TOX4: variants seen among roughly 807,000 people sequenced by gnomAD.
The protein encoded by TOX4 is TOX high mobility group box family member 4, also known as epidermal Langerhans cell protein LCP1.
A neutral mutation model predicts 61.0 loss-of-function variants in TOX4; 12 were observed. That is an observed-to-expected ratio of 0.20 (90% CI 0.13 to 0.32). The LOEUF is 0.32. TOX4 is among the 10% of genes least tolerant of loss of function. The probability of loss-of-function intolerance (pLI) is 1.00; values close to 1 mark genes in which losing one functional copy is unlikely to be tolerated. For missense variants in TOX4, 499 were observed against 753.3 expected (o/e 0.66, Z 3.95); for synonymous variants, 268 against 274.8 (o/e 0.98, Z 0.24).
Position 21,487,601 on chromosome 14 carries a change from C to G in TOX4, c.226C>G (p.Gln76Glu). The change falls in exon 3 of 9, where the codon CAG becomes GAG. Residue 76 changes from glutamine to glutamate, a missense_variant. This residue lies in a region of TOX4 where 90 missense variants were observed against 109.5 expected (regional missense o/e 0.82). Coordinates refer to ENST00000448790, the MANE Select transcript of TOX4 (RefSeq NM_014828.4). ...TTCACAGGATGGCAGTTTTTCAGCC[C>G]AGTATGGGGTCCAGACATTGGACAT... ...SSSQDGSFSAQYGVQTLDMPV... is the reference protein window; with the variant it reads ...SSSQDGSFSAEYGVQTLDMPV... 6.2e-7 allele frequency: 1 copy of G among 1,614,098 alleles called. No individual in the cohort carries two copies. The highest frequency in any genetic ancestry group is 2.2e-5 in the East Asian group (1 of 44,874).
At chr14:21,495,449 C>T in intron 8 of TOX4, 57 bp downstream of exon 8, 1 of 1,556,258 alleles carries the variant, frequency 6.4e-7, no homozygotes, top group Non-Finnish European at 8.7e-7. Context: ...TACTGGGAAA[C>T]ATAGGAATCT....
chr14:21,494,943 C>T (rs913977754), intron 7 of TOX4, among the ~76,000 whole-genome samples: 1 of 151,420 alleles, frequency 6.6e-6, no homozygotes, highest in South Asian at 2.1e-4. Context: ...AACACTACCT[C>T]TCTATTCCCA....
rs778410496 is a variant in TOX4 at position 21,496,590 on chromosome 14, T to G, written c.1850T>G (p.Val617Gly). ...AWVASRNSNT[V>G]VFVK ...GTAGCCTCTAGAAATTCAAACACAG[T>G]GGTGTTTGTGAAATAGTCCTTCCTG... Residue 617 changes from valine to glycine, a missense_variant, in exon 9 of 9, where the codon GTG becomes GGG. By Grantham distance (109) the Val-to-Gly change is moderately radical. This residue lies in a region of TOX4 where 296 missense variants were observed against 404.7 expected (regional missense o/e 0.73). Coordinates refer to ENST00000448790, the MANE Select transcript of TOX4 (RefSeq NM_014828.4). 16 of 1,611,898 alleles carry G rather than the reference T, an allele frequency of 9.9e-6. No homozygotes were observed. Among genetic ancestry groups the G allele is most frequent in the Non-Finnish European group, 1.4e-5 (16 of 1,179,168 alleles).
At chr14:21,482,406 A>C in intron 2 of TOX4, 1 of 297,296 alleles carries the variant, frequency 3.4e-6, no homozygotes, top group South Asian at 3.0e-5. Flanking sequence ...CTCTAAAGTG[A>C]ATGATCTATA....
At chr14:21,488,999 T>G in intron 4 of TOX4, 149 bp downstream of exon 4, 1 of 1,290,988 alleles carries the variant, frequency 7.7e-7, no homozygotes, top group Non-Finnish European at 1.1e-6. Context: ...AATTTCCAGT[T>G]TATAATTCTC....
rs1566479984 is a variant in TOX4, at chr14:21,482,677, T to TTG, written c.76-4774_76-4773insTG. The TTG allele has an allele frequency of 1.0e-4, 44 of 431,004 alleles. No homozygotes were observed. In the Admixed American group the frequency reaches 1.3e-3, roughly 13 times the overall value. The allele number at this position is 431,004 out of a possible 1,614,324, so 26.7% of individuals were successfully genotyped here. On this transcript the variant is annotated intron_variant, in intron 2 of 8. Coordinates refer to ENST00000448790, the MANE Select transcript of TOX4 (RefSeq NM_014828.4). ...AAACCACTTCTTTTTAATATTTGCTTCAGTTTTAGTTTTGTTTTATATTTA... is the reference window on the plus strand; with the variant it reads ...AAACCACTTCTTTTTAATATTTGCTTTGCAGTTTTAGTTTTGTTTTATATTTA...
intron 5 of TOX4, among the ~76,000 whole-genome samples, chr14:21,491,831 G>A (rs1337344946): frequency 5.3e-5 from 8 of 151,128 alleles, no homozygotes; most frequent in East Asian, 4.0e-4. Flanking sequence ...CTAACACAGC[G>A]AAACCCCATC....
intron 2 of TOX4, among the ~76,000 whole-genome samples, chr14:21,477,838 C>T (rs982619705): frequency 6.6e-6 from 1 of 152,228 alleles, no homozygotes. Flanking sequence ...GAATTGTCTC[C>T]TTTCTCTGGG....
At chr14:21,485,250 T>C (rs1211056880) in intron 2 of TOX4, among the ~76,000 whole-genome samples, 1 of 104,420 alleles carries the variant, frequency 9.6e-6, no homozygotes, top group Admixed American at 8.6e-5. Flanking sequence ...ACCCCGTCTC[T>C]ACTAAAAATA....
At position 21,492,981 on chromosome 14, in the gene TOX4, G is replaced by T. The variant is rs778025265; in HGVS notation, c.1365G>T (p.Pro455=). The change falls in exon 7 of 9, where the codon CCG becomes CCT. Residue 455 remains proline (P), a synonymous_variant. Transcript: ENST00000448790. ...PPPLQQMPQP[P]TQQQVTILQQ... is the part of the protein sequence containing the mutation. ...CATTACAACAGATGCCACAGCCCCC[G>T]ACTCAGCAGCAAGTTACCATTCTGC... is the stretch of plus-strand genomic sequence containing the variant. 1.9e-6 allele frequency: 3 copies of T among 1,612,556 alleles called. No individual in the cohort carries two copies. Among genetic ancestry groups the T allele is most frequent in the Non-Finnish European group, 2.5e-6 (3 of 1,179,296 alleles).
At chr14:21,479,023 A>C (rs1891063021) in intron 2 of TOX4, among the ~76,000 whole-genome samples, 1 of 20,084 alleles carries the variant, frequency 5.0e-5, no homozygotes, top group Non-Finnish European at 1.3e-4. Context: ...CCTGTTACCC[A>C]GGCTCTTTAA....
At chr14:21,479,955 A>C (rs528423082) in intron 2 of TOX4, among the ~76,000 whole-genome samples, 1 of 152,336 alleles carries the variant, frequency 6.6e-6, no homozygotes, top group Admixed American at 6.5e-5. Context: ...GAAGTTGAAC[A>C]ATCAAGAGGT....
At chr14:21,495,506 A>G (rs1383800032) in intron 8 of TOX4, 114 bp downstream of exon 8, 12 of 1,290,852 alleles carry the variant, frequency 9.3e-6, no homozygotes, top group Non-Finnish European at 9.5e-6. Flanking sequence ...TAGGTAGAGT[A>G]GGTTGCTGTA....
intron 5 of TOX4, among the ~76,000 whole-genome samples, chr14:21,489,737 T>C (rs1291900571): frequency 6.6e-6 from 1 of 151,868 alleles, no homozygotes; most frequent in Non-Finnish European, 1.5e-5. Flanking sequence ...TCCACCACAC[T>C]GGGCTAATTT....
chr14:21,481,025 A>G (rs1261096600), intron 2 of TOX4, among the ~76,000 whole-genome samples: 1 of 152,086 alleles, frequency 6.6e-6, no homozygotes, highest in Non-Finnish European at 1.5e-5. Flanking sequence ...GGGAGGTGGA[A>G]GTTGTGGTGA....
rs1304030542 is a variant in TOX4 at position 21,488,835 on chromosome 14, TGAG to T, written c.567_569del (p.Glu189del). 3.7e-6 allele frequency: 6 copies of T among 1,613,884 alleles called. No homozygotes were observed. Among genetic ancestry groups the T allele is most frequent in the Non-Finnish European group, 5.1e-6 (6 of 1,179,844 alleles). On this transcript the variant is annotated inframe_deletion, in exon 4 of 9. Transcript: ENST00000448790. ...CTAGTTCACTTCACGAGGATGGTGT[TGAG>T]GATTTCCGGAGGGTGAGGCATTCCC... is the stretch of plus-strand genomic sequence containing the variant.
At chr14:21,493,828 G>A (rs1891345956) in intron 7 of TOX4, among the ~76,000 whole-genome samples, 2 of 151,090 alleles carry the variant, frequency 1.3e-5, no homozygotes, top group African/African-American at 4.9e-5. Flanking sequence ...TTGGCTCACT[G>A]CAATCTCCAC....
At position 21,477,520 on chromosome 14, in the gene TOX4, C is replaced by T. The variant is rs769688952; in HGVS notation, c.31C>T (p.Leu11=). The T allele has an allele frequency of 2.4e-5, 39 of 1,613,704 alleles. No homozygotes were observed. The East Asian group carries it at 3.8e-4, about 16-fold the overall frequency. The part of the protein sequence containing the change: MEFPGGNDNY[L]TITGPSHPFL... ...GTTTCCCGGAGGAAATGACAATTACCTGACGATCACAGGGCCTTCGCACCC... is the reference window on the plus strand; with the variant it reads ...GTTTCCCGGAGGAAATGACAATTACTTGACGATCACAGGGCCTTCGCACCC... The change falls in exon 2 of 9, where the codon CTG becomes TTG. Residue 11 remains leucine, a synonymous_variant. Transcript: ENST00000448790.
At chr14:21,478,018 C>A (rs1470153104) in intron 2 of TOX4, among the ~76,000 whole-genome samples, 2 of 152,164 alleles carry the variant, frequency 1.3e-5, no homozygotes, top group Admixed American at 6.5e-5. Context: ...CTCACTGCAA[C>A]CTCTGTCTCC....
Sources: allele counts gnomAD v4.1 joint callset (sites outside exome capture counted in the v4.1 genomes callset), GRCh38; gene constraint gnomAD v4.1.1; regional missense constraint gnomAD v4.1.1; transcripts MANE v1.5; gene names NCBI Gene and HGNC (gene_info 2026-07-23, HGNC 2026-07-21).